Variants in YJU2 observed in about 807,000 individuals in gnomAD.
YJU2 encodes the protein splicing factor YJU2.
Under a neutral mutation model 39.6 loss-of-function variants are expected in YJU2, and 28 were observed. That is an observed-to-expected ratio of 0.71 (90% confidence interval 0.52 to 0.97). The LOEUF (loss-of-function observed/expected upper bound fraction) is 0.97, where lower values mean the gene tolerates loss of function less well. YJU2 is among the 50% of genes least tolerant of loss of function. The pLI, the probability that YJU2 is intolerant of heterozygous loss-of-function variation, is 0.00. For missense variants in YJU2, 328 were observed against 430.4 expected, an observed-to-expected ratio of 0.76 and a Z score of 2.11; for synonymous variants, 184 against 182.4, an observed-to-expected ratio of 1.01 and a Z score of -0.07.
intron 5 of YJU2, among the ~76,000 whole-genome samples, chr19:4,259,418 C>G (rs928096872): frequency 6.6e-6 from 1 of 151,396 alleles, no homozygotes; most frequent in Non-Finnish European, 1.5e-5. Flanking sequence ...TTTGCTCTGC[C>G]GCCCAGGCTG....
chr19:4,255,478 G>A (rs1360038563), intron 4 of YJU2, among the ~76,000 whole-genome samples: 3 of 151,654 alleles, frequency 2.0e-5, no homozygotes, highest in Non-Finnish European at 2.9e-5. Flanking sequence ...ACCTGTAATC[G>A]CAGCACTTTG....
chr19:4,266,636 C>T (rs1289623799), intron 6 of YJU2, among the ~76,000 whole-genome samples: 2 of 152,132 alleles, frequency 1.3e-5, no homozygotes, highest in Non-Finnish European at 2.9e-5. Flanking sequence ...GCAGAGCACC[C>T]ATTGGGACTT....
At chr19:4,263,017 C>T (rs1028244541) in intron 6 of YJU2, among the ~76,000 whole-genome samples, 1 of 146,360 alleles carries the variant, frequency 6.8e-6, no homozygotes, top group African/African-American at 2.6e-5. Context: ...GAGGTTGCAG[C>T]GAGCCGAGAT....
In YJU2 at chr19:4,267,626, C is replaced by G. The variant is rs928350656; in HGVS notation, c.711C>G (p.Ala237=). The change falls in exon 7 of 8, where the codon GCC becomes GCG. Residue 237 remains alanine (A), a splice_region_variant and synonymous_variant. Coordinates refer to ENST00000262962, the MANE Select transcript of YJU2 (RefSeq NM_018074.6). ...RPNPTAILDE[A]PKPKRKVEVW... ...ACATGTGTCCCCATCACCTGCAGGC[C>G]CCAAAGCCCAAGAGGAAGGTGGAGG... 6.2e-7 allele frequency: 1 copy of G among 1,612,256 alleles called. No homozygotes were observed. The highest frequency in any genetic ancestry group is 1.8e-4 in the Middle Eastern group (1 of 5,414).
rs1354767320 is a variant in YJU2 at position 4,268,830 on chromosome 19, C to T, written c.*134C>T. 7.5e-6 allele frequency: 5 copies of T among 662,394 alleles called. No individual in the cohort carries two copies. The highest frequency in any genetic ancestry group is 1.3e-5 in the Non-Finnish European group (5 of 381,478). 41.0% of individuals were successfully genotyped at this position (662,394 alleles called of 1,614,324 possible). On this transcript the variant is annotated 3_prime_UTR_variant, in exon 8 of 8. Coordinates refer to ENST00000262962, the MANE Select transcript of YJU2 (RefSeq NM_018074.6). ...CGGACAGACAAGCGCCAGCGTGCTC[C>T]AACACATAGGGCCACCAGGGGCCTC...
At position 4,254,495 on chromosome 19, in the gene YJU2, T is replaced by G; in HGVS notation, c.405+6T>G. ...AGCTGAACAACCCCATGAAGGTGAGTCGGGGGCCATGTAGGTGTTCATGGG... is the reference window on the plus strand; with the variant it reads ...AGCTGAACAACCCCATGAAGGTGAGGCGGGGGCCATGTAGGTGTTCATGGG... On this transcript the variant is annotated splice_donor_region_variant and intron_variant, in intron 4 of 7. Transcript: ENST00000262962. The G allele has an allele frequency of 6.3e-7, 1 of 1,579,876 alleles. No homozygotes were observed. Among genetic ancestry groups the G allele is most frequent in the East Asian group, 2.3e-5 (1 of 43,824 alleles).
intron 3 of YJU2, among the ~76,000 whole-genome samples, chr19:4,251,956 C>T (rs905575521): frequency 2.6e-5 from 4 of 151,922 alleles, no homozygotes; most frequent in Non-Finnish European, 5.9e-5. Context: ...CATTGCACTC[C>T]AGCCTGAGCA....
At chr19:4,257,890 A>T (rs1971034787) in intron 4 of YJU2, among the ~76,000 whole-genome samples, 1 of 152,186 alleles carries the variant, frequency 6.6e-6, no homozygotes, top group Non-Finnish European at 1.5e-5. Flanking sequence ...GACGTGAGCC[A>T]CTGTGCCTGG....
intron 6 of YJU2, among the ~76,000 whole-genome samples, chr19:4,265,819 G>A (rs562992655): frequency 2.0e-5 from 3 of 150,334 alleles, no homozygotes; most frequent in South Asian, 2.1e-4. Flanking sequence ...GGCTGGTCTC[G>A]AACTCTTGAC....
intron 1 of YJU2, 173 bp downstream of exon 1, chr19:4,247,343 G>C (rs192748154): frequency 5.4e-4 from 315 of 585,442 alleles, no homozygotes; most frequent in African/African-American, 5.3e-3. Flanking sequence ...TTCCGTCGGG[G>C]GGGTGGGCCT....
At chr19:4,267,846 C>T in intron 7 of YJU2, 72 bp downstream of exon 7, 2 of 1,433,836 alleles carry the variant, frequency 1.4e-6, no homozygotes, top group Non-Finnish European at 1.9e-6. Flanking sequence ...GCTCCCTTTG[C>T]AGTTACAGAG....
At chr19:4,262,430 C>T (rs548503684) in intron 6 of YJU2, among the ~76,000 whole-genome samples, 2 of 152,054 alleles carry the variant, frequency 1.3e-5, no homozygotes, top group Admixed American at 1.3e-4. Context: ...AATCTCTTCA[C>T]CTCGTGATCC....
At chr19:4,250,529 C>T (rs938630183) in intron 2 of YJU2, among the ~76,000 whole-genome samples, 3 of 151,976 alleles carry the variant, frequency 2.0e-5, no homozygotes, top group South Asian at 2.1e-4. Context: ...ATACTGGTGG[C>T]GCTGAGGTCT....
chr19:4,268,978 A>G lies in YJU2; in HGVS notation c.*282A>G, dbSNP rs1971141340. 9.5e-6 allele frequency: 4 copies of G among 422,126 alleles called. No individual in the cohort carries two copies. The Admixed American group carries it at 1.5e-4, about 16-fold the overall frequency. 26.1% of individuals were successfully genotyped at this position (422,126 alleles called of 1,614,324 possible). ...CAACATCCCTGGAGCAGCTTCCAAC[A>G]CTACTTCAGGGTGGCAGTGTTTGGG... On this transcript the variant is annotated 3_prime_UTR_variant, in exon 8 of 8. Coordinates refer to ENST00000262962, the MANE Select transcript of YJU2 (RefSeq NM_018074.6).
chr19:4,247,465 T>C (rs990144872), intron 1 of YJU2: 7 of 318,892 alleles, frequency 2.2e-5, no homozygotes, highest in Non-Finnish European at 4.1e-5. Flanking sequence ...CGGGGCTTCC[T>C]TAAATGCTGG....
chr19:4,249,442 G>GT, intron 2 of YJU2, 114 bp downstream of exon 2: 1 of 669,532 alleles, frequency 1.5e-6, no homozygotes, highest in Non-Finnish European at 2.6e-6. Context: ...CTTAGACATT[G>GT]TCCTGGCTCA....
intron 6 of YJU2, among the ~76,000 whole-genome samples, chr19:4,263,953 A>G (rs1024681656): frequency 1.3e-5 from 2 of 151,760 alleles, no homozygotes; most frequent in Non-Finnish European, 2.9e-5. Context: ...TAAACCAATA[A>G]CACAGACACA....
intron 7 of YJU2, 117 bp downstream of exon 7, chr19:4,267,891 C>A: frequency 1.2e-6 from 1 of 843,120 alleles, no homozygotes; most frequent in Non-Finnish European, 1.8e-6. Flanking sequence ...CCTGCGACCC[C>A]CACAGGACCA....
chr19:4,266,709 C>A (rs1599503906), intron 6 of YJU2, among the ~76,000 whole-genome samples: 2 of 152,172 alleles, frequency 1.3e-5, no homozygotes, highest in Admixed American at 1.3e-4. Context: ...AGGCTAGATG[C>A]AGTGGCTCAC....
Sources: allele counts gnomAD v4.1 joint callset (sites outside exome capture counted in the v4.1 genomes callset), GRCh38; gene constraint gnomAD v4.1.1; transcripts MANE v1.5; gene names NCBI Gene and HGNC (gene_info 2026-07-23, HGNC 2026-07-21).